CCDC7: variants seen among roughly 807,000 people sequenced by gnomAD.
The protein encoded by CCDC7 is coiled-coil domain containing 7.
Under a neutral mutation model 196.9 loss-of-function variants are expected in CCDC7, and 183 were observed. The observed-to-expected ratio is 0.93, with a 90% CI of 0.82 to 1.05. CCDC7 has a LOEUF of 1.05. CCDC7 is among the 50% of genes least tolerant of loss of function. The pLI is 0.00. For missense variants in CCDC7, 1,540 were observed against 1,482.2 expected (o/e 1.04, Z -0.64); for synonymous variants, 525 against 484.6 (o/e 1.08, Z -1.10).
At chr10:32,510,322 A>G (rs1432174410) in intron 9 of CCDC7, among the ~76,000 whole-genome samples, 4 of 152,200 alleles carry the variant, frequency 2.6e-5, no homozygotes, top group Admixed American at 2.6e-4. Flanking sequence ...ACAAAGTTTC[A>G]GTTTTCCAAG....
intron 13 of CCDC7, among the ~76,000 whole-genome samples, chr10:32,548,138 G>A (rs764412736): frequency 2.0e-5 from 3 of 152,182 alleles, no homozygotes; most frequent in Non-Finnish European, 4.4e-5. Flanking sequence ...CTTGCGGATG[G>A]AGCAATGGCA....
At chr10:32,502,190 A>G (rs1265325059) in intron 9 of CCDC7, among the ~76,000 whole-genome samples, 1 of 152,176 alleles carries the variant, frequency 6.6e-6, no homozygotes, top group Non-Finnish European at 1.5e-5. Flanking sequence ...CCATTAAGCC[A>G]GGCACCAAGA....
intron 26 of CCDC7, among the ~76,000 whole-genome samples, chr10:32,728,657 T>C (rs902668195): frequency 3.3e-5 from 5 of 152,202 alleles, no homozygotes; most frequent in Non-Finnish European, 5.9e-5. Context: ...TGTATTAAAG[T>C]ATAAACTCAT....
chr10:32,876,390 T>C (rs199629620), exon 42 of CCDC7: 3 of 1,610,014 alleles, frequency 1.9e-6, no homozygotes, highest in African/African-American at 2.7e-5. Flanking sequence ...ACCCATACTT[T>C]TGAGAATGAA....
chr10:32,579,989 A>G (rs952196409), intron 16 of CCDC7, among the ~76,000 whole-genome samples: 1 of 151,994 alleles, frequency 6.6e-6, no homozygotes, highest in Non-Finnish European at 1.5e-5. Flanking sequence ...TACAAGCAGA[A>G]TAGCGAGCAG....
intron 16 of CCDC7, among the ~76,000 whole-genome samples, chr10:32,576,282 G>C (rs554963529): frequency 2.8e-5 from 4 of 141,548 alleles, no homozygotes; most frequent in African/African-American, 1.0e-4. Flanking sequence ...CCCATGCACT[G>C]AGGTCAAAGC....
chr10:32,702,754 C>T (rs569371264), intron 24 of CCDC7, among the ~76,000 whole-genome samples: 15 of 151,424 alleles, frequency 9.9e-5, no homozygotes, highest in Non-Finnish European at 2.1e-4. Context: ...TTGTTGATCC[C>T]TTTACCATTA....
chr10:32,811,484 C>T (rs2087098910), intron 30 of CCDC7, among the ~76,000 whole-genome samples: 1 of 151,930 alleles, frequency 6.6e-6, no homozygotes. Context: ...GTACTACAAA[C>T]GTGCTGTTAG....
intron 5 of CCDC7, among the ~76,000 whole-genome samples, chr10:32,468,746 G>GTT (rs2037352016): frequency 7.1e-6 from 1 of 140,002 alleles, no homozygotes; most frequent in Non-Finnish European, 1.6e-5. Context: ...TCTTTTGTGA[G>GTT]TCTCTGAGTT....
intron 28 of CCDC7, among the ~76,000 whole-genome samples, chr10:32,771,596 C>A (rs563901685): frequency 7.9e-5 from 12 of 152,332 alleles, no homozygotes; most frequent in South Asian, 2.1e-4. Flanking sequence ...ACATTCCAGG[C>A]TGCTGATGGG....
chr10:32,512,637 A>G (rs2046394225), intron 9 of CCDC7: 1 of 152,222 alleles, frequency 6.6e-6, no homozygotes, highest in African/African-American at 2.4e-5. Flanking sequence ...AACTCCCAAA[A>G]CTGAAAACAC....
chr10:32,563,039 G>C (rs1416668515), intron 13 of CCDC7, among the ~76,000 whole-genome samples: 7 of 152,160 alleles, frequency 4.6e-5, no homozygotes, highest in South Asian at 2.1e-4. Context: ...TGAGTGAACT[G>C]CCATTCACAA....
At chr10:32,543,497 C>G (rs2051864383) in intron 12 of CCDC7, 112 bp downstream of exon 13, 30 of 1,044,930 alleles carry the variant, frequency 2.9e-5, no homozygotes, top group Admixed American at 4.4e-5. Context: ...CTTTTAAAAA[C>G]ATAAAATTGG....
chr10:32,739,395 G>A lies in CCDC7; in HGVS notation c.2905+9938G>A, dbSNP rs564621982. Among the ~76,000 whole-genome samples, 7 of 151,842 alleles carry A rather than the reference G, an allele frequency of 4.6e-5. No individual in the cohort carries two copies. The South Asian group carries it at 1.5e-3, about 32-fold the overall frequency. ...CAAGCTCACTTATTCTTTTTTGACT[G>A]TGTCCAGTATACTGATAAGAACATC... On this transcript the variant is annotated intron_variant, in intron 28 of 41. Transcript: ENST00000639629.
intron 21 of CCDC7, among the ~76,000 whole-genome samples, chr10:32,670,220 C>A (rs902389395): frequency 6.6e-6 from 1 of 151,884 alleles, no homozygotes; most frequent in Non-Finnish European, 1.5e-5. Context: ...TTTAATAGTC[C>A]TTGTCTGTTG....
At chr10:32,725,302 A>G (rs1029912635) in intron 25 of CCDC7, 8 of 470,564 alleles carry the variant, frequency 1.7e-5, no homozygotes, top group African/African-American at 4.0e-5. Flanking sequence ...CTTAGCATAT[A>G]CTACTACAAA....
At position 32,854,382 on chromosome 10, in the gene CCDC7, C is replaced by T. The variant is rs1016970771; in HGVS notation, c.4022-18C>T. ...TAATTTACCACATAATTTAATAACA[C>T]TGTTCTCATTTTTTTAGGGCATTCG... On this transcript the variant is annotated intron_variant, in intron 40 of 41. Transcript: ENST00000639629. 7.8e-6 allele frequency: 11 copies of T among 1,412,686 alleles called. No individual in the cohort carries two copies. The highest frequency in any genetic ancestry group is 1.2e-5 in the South Asian group (1 of 84,078). 87.5% of individuals were successfully genotyped at this position (1,412,686 alleles called of 1,614,324 possible). A position where few individuals can be genotyped will look rare whatever the true frequency, so the allele number is the denominator to read the frequency against.
intron 20 of CCDC7, among the ~76,000 whole-genome samples, chr10:32,661,525 G>T (rs1350239181): frequency 1.3e-5 from 2 of 152,132 alleles, no homozygotes; most frequent in Non-Finnish European, 2.9e-5. Flanking sequence ...CTCACCTGAT[G>T]CCCATAGCAT....
chr10:32,799,879 G>C (rs559224215), intron 29 of CCDC7, among the ~76,000 whole-genome samples: 30 of 152,338 alleles, frequency 2.0e-4, no homozygotes, highest in Admixed American at 1.7e-3. Context: ...CACAAAGCTG[G>C]AGAGTTGATA....
Sources: allele counts gnomAD v4.1 joint callset (sites outside exome capture counted in the v4.1 genomes callset), GRCh38; gene constraint gnomAD v4.1.1; transcripts MANE v1.5; gene names NCBI Gene and HGNC (gene_info 2026-07-23, HGNC 2026-07-21).